CDON: variants seen among roughly 807,000 people sequenced by gnomAD.
The protein encoded by CDON is cell adhesion associated, oncogene regulated.
Under a neutral mutation model 120.9 loss-of-function variants are expected in CDON, and 73 were observed. That is an observed-to-expected ratio of 0.60 (90% CI 0.50 to 0.73). The LOEUF (loss-of-function observed/expected upper bound fraction) is 0.73. Among genes scored for constraint, CDON ranks in the 30% least tolerant of loss-of-function variants. The pLI is 0.00. For synonymous variants in CDON, 566 were observed against 573.5 expected, an observed-to-expected ratio of 0.99 and a Z score of 0.19; for missense variants, 1,470 against 1,587.3, an observed-to-expected ratio of 0.93 and a Z score of 1.26.
intron 8 of CDON, among the ~76,000 whole-genome samples, chr11:126,007,002 GA>G (rs1213368237): frequency 3.4e-5 from 5 of 148,834 alleles, no homozygotes; most frequent in South Asian, 4.2e-4. Flanking sequence ...GTGCTGCTGT[GA>G]AAAAAAAAAT....
Position 125,971,145 on chromosome 11 carries a change from G to A in CDON, c.3356+7159C>T, listed in dbSNP as rs191191121. Reference sequence around the variant, plus strand: ...ACGCCTGTAATCCCAGTACTTTGGGGGGCCAAGGCGGGCGGATCACGAGGT... The same window carrying A: ...ACGCCTGTAATCCCAGTACTTTGGGAGGCCAAGGCGGGCGGATCACGAGGT... On this transcript the variant is annotated intron_variant, in intron 18 of 19. Coordinates refer to ENST00000531738, the MANE Select transcript of CDON (RefSeq NM_001378964.1). 1.3e-3 allele frequency among the ~76,000 whole-genome samples: 204 copies of A among 152,078 alleles called. 1 individual carries two copies. Among genetic ancestry groups the A allele is most frequent in the East Asian group, 7.2e-3 (37 of 5,130 alleles).
chr11:125,972,098 G>A (rs1946015810), intron 18 of CDON, among the ~76,000 whole-genome samples: 1 of 152,140 alleles, frequency 6.6e-6, no homozygotes, highest in Non-Finnish European at 1.5e-5. Context: ...CTTCTTTCTA[G>A]GCATTCATAG....
chr11:126,044,355 G>A (rs1948347757), intron 1 of CDON, among the ~76,000 whole-genome samples: 3 of 152,054 alleles, frequency 2.0e-5, no homozygotes, highest in Admixed American at 6.5e-5. Flanking sequence ...AACAGACTAC[G>A]GTAAGATCTA....
rs1945574613 is a variant in CDON, at chr11:125,959,299, C to T, written c.*1643G>A. 6.6e-6 allele frequency: 1 copy of T among 152,208 alleles called. No homozygotes were observed. 9.4% of individuals were successfully genotyped at this position (152,208 alleles called of 1,614,324 possible). A position where few individuals can be genotyped will look rare whatever the true frequency, so the allele number is the denominator to read the frequency against. On this transcript the variant is annotated 3_prime_UTR_variant, in exon 20 of 20. Coordinates refer to ENST00000531738, the MANE Select transcript of CDON (RefSeq NM_001378964.1). ...TTTCTGGGAAACTAACATTTCTTCA[C>T]TTCTGCTGGAATTGCTTGACTCTAT...
At position 125,998,696 on chromosome 11, in the gene CDON, C is replaced by T. The variant is rs369184627; in HGVS notation, c.2159-1286G>A. 2.0e-5 allele frequency among the ~76,000 whole-genome samples: 3 copies of T among 152,208 alleles called. No homozygotes were observed. In the East Asian group the frequency reaches 5.8e-4, roughly 29 times the overall value. On this transcript the variant is annotated intron_variant, in intron 11 of 19. Coordinates refer to ENST00000531738, the MANE Select transcript of CDON (RefSeq NM_001378964.1). ...ACTTGGTTCCTACAAGGAAAGAATG[C>T]TGACAGAAATAATCCGGTCTGTATG...
At chr11:125,991,830 A>G (rs1946639784) in intron 14 of CDON, among the ~76,000 whole-genome samples, 1 of 152,194 alleles carries the variant, frequency 6.6e-6, no homozygotes, top group African/African-American at 2.4e-5. Flanking sequence ...ACTGCTCAGT[A>G]TGTTACATTT....
At chr11:126,032,767 G>A (rs939778598) in intron 1 of CDON, among the ~76,000 whole-genome samples, 2 of 152,204 alleles carry the variant, frequency 1.3e-5, no homozygotes, top group Non-Finnish European at 2.9e-5. Context: ...AGCACTTTGG[G>A]AGGCCAAGGT....
chr11:126,007,016 TAAG>T (rs1217867539), intron 8 of CDON, among the ~76,000 whole-genome samples: 1 of 151,898 alleles, frequency 6.6e-6, no homozygotes, highest in Non-Finnish European at 1.5e-5. Context: ...AAAAAAATAA[TAAG>T]AAAGAACAAT....
intron 8 of CDON, 104 bp from the exon 9 acceptor site, chr11:126,006,161 T>G: frequency 9.5e-7 from 1 of 1,047,956 alleles, no homozygotes; most frequent in Admixed American, 1.8e-5. Context: ...TAGCACAATT[T>G]GAGCCCCAGA....
chr11:125,974,073 T>A (rs1946080138), intron 18 of CDON, among the ~76,000 whole-genome samples: 1 of 151,878 alleles, frequency 6.6e-6, no homozygotes, highest in South Asian at 2.1e-4. Flanking sequence ...TTTTTGTATT[T>A]TTAGTAGAGA....
At chr11:125,978,454 CA>C in intron 17 of CDON, 71 bp from the exon 18 acceptor site, 10 of 877,580 alleles carry the variant, frequency 1.1e-5, no homozygotes, top group Non-Finnish European at 1.7e-5. Context: ...GACCAGTAGC[CA>C]AATAATCACA....
chr11:126,031,746 T>G (rs901762792), intron 1 of CDON, among the ~76,000 whole-genome samples: 8 of 152,202 alleles, frequency 5.3e-5, no homozygotes, highest in South Asian at 4.1e-4. Flanking sequence ...TGCTTTTATT[T>G]TCTAAGTGCA....
chr11:126,042,910 ACCTCG>A (rs1378996759), intron 1 of CDON, among the ~76,000 whole-genome samples: 7 of 152,192 alleles, frequency 4.6e-5, no homozygotes, highest in African/African-American at 1.7e-4. Context: ...GGCGTGAGCC[ACCTCG>A]CCTGGCCGAT....
At chr11:125,985,583 C>T (rs2134467927) in intron 15 of CDON, among the ~76,000 whole-genome samples, 1 of 152,346 alleles carries the variant, frequency 6.6e-6, no homozygotes, top group African/African-American at 2.4e-5. Context: ...TAGAGCCTGG[C>T]TCAGAGTGGT....
chr11:126,005,486 A>G, intron 9 of CDON: 1 of 473,716 alleles, frequency 2.1e-6, no homozygotes, highest in South Asian at 2.4e-5. Context: ...GTGGTTATAG[A>G]GCTTTATGTT....
chr11:126,020,719 A>T (rs1269407907), intron 3 of CDON, among the ~76,000 whole-genome samples: 2 of 152,258 alleles, frequency 1.3e-5, no homozygotes, highest in African/African-American at 2.4e-5. Flanking sequence ...ATTTTCCGTA[A>T]GTTCAATACT....
At chr11:126,004,265 T>C in intron 9 of CDON, 189 bp from the exon 10 acceptor site, 1 of 644,208 alleles carries the variant, frequency 1.6e-6, no homozygotes. Flanking sequence ...GCAAGAACGC[T>C]GCAATTCTCA....
At chr11:126,055,087 A>G (rs2134945212) in intron 1 of CDON, among the ~76,000 whole-genome samples, 1 of 152,324 alleles carries the variant, frequency 6.6e-6, no homozygotes, top group South Asian at 2.1e-4. Context: ...ACATATTTAC[A>G]TTTCAGAAAG....
intron 6 of CDON, among the ~76,000 whole-genome samples, chr11:126,016,493 C>T (rs371510019): frequency 2.0e-5 from 3 of 152,190 alleles, no homozygotes; most frequent in Admixed American, 6.5e-5. Context: ...AGTGCGGTGG[C>T]GTGATCTCAG....
Sources: gnomAD v4.1 joint callset for allele counts (sites outside exome capture counted in the v4.1 genomes callset) on GRCh38, gnomAD v4.1.1 for gene constraint, MANE v1.5 for transcripts, NCBI Gene and HGNC (gene_info 2026-07-23, HGNC 2026-07-21) for gene names.